The following TM9SF4 variants were observed in gnomAD, a reference collection of about 807,000 sequenced individuals.
The protein encoded by TM9SF4 is dinucleotide oxidase disulfide thiol exchanger 3 superfamily member 4.
A neutral mutation model predicts 90.4 loss-of-function variants in TM9SF4; 26 were observed. That is an observed-to-expected ratio of 0.29 (90% CI 0.21 to 0.40). TM9SF4 has a LOEUF of 0.40. TM9SF4 is among the 10% of genes least tolerant of loss of function. The pLI, the probability that TM9SF4 is intolerant of heterozygous loss-of-function variation, is 1.00. For missense variants in TM9SF4, 549 were observed against 834.8 expected, an observed-to-expected ratio of 0.66 and a Z score of 4.22; for synonymous variants, 293 against 315.4, an observed-to-expected ratio of 0.93 and a Z score of 0.75.
At chr20:32,145,457 G>A (rs1350853991) in intron 8 of TM9SF4, 34 bp downstream of exon 8, 12 of 1,589,396 alleles carry the variant, frequency 7.6e-6, no homozygotes, top group Non-Finnish European at 9.5e-6. Flanking sequence ...AAAGGGGATG[G>A]GGGTTGGGGT....
Position 32,158,671 on chromosome 20 carries a change from CCT to C in TM9SF4, c.1569+161_1569+162del, listed in dbSNP as rs2046967674. Among the ~76,000 whole-genome samples, 4 of 152,138 alleles carry C rather than the reference CCT, an allele frequency of 2.6e-5. No homozygotes were observed. In the South Asian group the frequency reaches 8.3e-4, roughly 31 times the overall value. ...ACCCTGAAATTGGACAACAGCCTTC[CCT>C]CTCAGGGCAGCATTGAAAGTGAAAT... On this transcript the variant is annotated intron_variant, in intron 15 of 17. Coordinates refer to ENST00000398022, the MANE Select transcript of TM9SF4 (RefSeq NM_014742.4).
chr20:32,122,160 A>G (rs1365556343), intron 1 of TM9SF4, among the ~76,000 whole-genome samples: 1 of 91,894 alleles, frequency 1.1e-5, no homozygotes. Context: ...GGGGGGGGTG[A>G]CCCCCCCACC....
chr20:32,126,157 C>G (rs2046419449), intron 1 of TM9SF4, among the ~76,000 whole-genome samples: 2 of 151,326 alleles, frequency 1.3e-5, no homozygotes, highest in Middle Eastern at 3.4e-3. Flanking sequence ...TCCTTTTCTA[C>G]TTAAAATTCC....
At chr20:32,141,981 G>A (rs1221045617) in intron 5 of TM9SF4, 86 bp downstream of exon 5, 16 of 1,578,082 alleles carry the variant, frequency 1.0e-5, no homozygotes, top group East Asian at 9.0e-5. Context: ...GGTGGGGCTC[G>A]GCCACAGCAA....
intron 12 of TM9SF4, among the ~76,000 whole-genome samples, chr20:32,154,846 G>A (rs1435229556): frequency 6.6e-6 from 1 of 152,192 alleles, no homozygotes; most frequent in African/African-American, 2.4e-5. Context: ...GGGGATAGGC[G>A]GATATTGATC....
intron 15 of TM9SF4, among the ~76,000 whole-genome samples, chr20:32,158,980 TAAA>T (rs5841101): frequency 3.5e-5 from 5 of 140,984 alleles, no homozygotes; most frequent in East Asian, 4.2e-4. Context: ...AGACTCCATC[TAAA>T]AAAAAAAAAA....
At position 32,117,455 on chromosome 20, in the gene TM9SF4, G is replaced by A. The variant is rs2235897; in HGVS notation, c.15+7700G>A. On this transcript the variant is annotated intron_variant, in intron 1 of 17. Coordinates refer to ENST00000398022, the MANE Select transcript of TM9SF4 (RefSeq NM_014742.4). ...AACTTCTGGTTACAGAGAAATGCAA[G>A]TGAATGAAATAATTTTTCGTTCTCA... Among the ~76,000 whole-genome samples, 44 of 152,286 alleles carry A rather than the reference G, an allele frequency of 2.9e-4. No homozygotes were observed. In the East Asian group the frequency reaches 7.9e-3, roughly 27 times the overall value.
intron 3 of TM9SF4, among the ~76,000 whole-genome samples, chr20:32,139,224 A>G (rs1036069827): frequency 6.6e-6 from 1 of 152,176 alleles, no homozygotes; most frequent in African/African-American, 2.4e-5. Context: ...CTGTGGGCCG[A>G]TAACCCCCAA....
At chr20:32,141,216 C>CAA (rs71185383) in intron 3 of TM9SF4, among the ~76,000 whole-genome samples, 891 of 24,892 alleles carry the variant, frequency 0.036, 51 homozygotes, top group African/African-American at 0.091. Context: ...GACTCCATCT[C>CAA]AAAAAAAAAA....
chr20:32,149,853 G>C (rs1048521751), intron 10 of TM9SF4, 87 bp downstream of exon 10: 37 of 1,553,566 alleles, frequency 2.4e-5, no homozygotes, highest in Non-Finnish European at 3.2e-5. Flanking sequence ...TCCCTCCCTG[G>C]AGAAAGGGAA....
chr20:32,163,136 C>T (rs1225842847), intron 17 of TM9SF4, among the ~76,000 whole-genome samples: 1 of 150,780 alleles, frequency 6.6e-6, no homozygotes, highest in Non-Finnish European at 1.5e-5. Flanking sequence ...GTCCCAGCTA[C>T]TCAGGAGGCT....
chr20:32,141,543 T>C lies in TM9SF4; in HGVS notation c.276T>C (p.Val92=). Residue 92 remains valine (V), a synonymous_variant, in exon 4 of 18, where the codon GTT becomes GTC. Transcript: ENST00000398022. ...GDRIVNTPFQ[V]LMNSEKKCEV... The stretch of plus-strand genomic sequence containing the variant: ...GGATTGTCAACACCCCTTTCCAGGT[T>C]CTCATGAACAGCGAGAAGAAGTGTG... The C allele has an allele frequency of 6.2e-7, 1 of 1,613,962 alleles. No homozygotes were observed.
At chr20:32,122,247 GCGGGGGGC>G in intron 1 of TM9SF4, among the ~76,000 whole-genome samples, 3 of 81,420 alleles carry the variant, frequency 3.7e-5, no homozygotes, top group African/African-American at 8.0e-5. Context: ...GGCTGGCCTG[GCGGGGGGC>G]TGACCCCCCA....
intron 16 of TM9SF4, among the ~76,000 whole-genome samples, chr20:32,160,564 C>T (rs1051029572): frequency 1.3e-5 from 2 of 152,116 alleles, no homozygotes; most frequent in Admixed American, 6.5e-5. Context: ...TCATGCCATC[C>T]GTTCCTCCTC....
chr20:32,150,778 G>C (rs1456951985), intron 11 of TM9SF4, 22 bp from the exon 12 acceptor site: 4 of 1,614,120 alleles, frequency 2.5e-6, no homozygotes, highest in Non-Finnish European at 3.4e-6. Flanking sequence ...CCTTGGTGTG[G>C]ATCCCTGCCA....
intron 1 of TM9SF4, among the ~76,000 whole-genome samples, chr20:32,113,143 T>C (rs939009360): frequency 3.9e-5 from 6 of 152,170 alleles, no homozygotes; most frequent in African/African-American, 1.4e-4. Flanking sequence ...GTGGATCCAG[T>C]GGCCGTGGGA....
chr20:32,123,506 A>T (rs956501013), intron 1 of TM9SF4, among the ~76,000 whole-genome samples: 8 of 148,916 alleles, frequency 5.4e-5, no homozygotes, highest in Admixed American at 1.3e-4. Flanking sequence ...GCCCATTCGT[A>T]TTTCTTTTGG....
intron 5 of TM9SF4, among the ~76,000 whole-genome samples, chr20:32,142,435 G>A (rs6061184): frequency 0.69 from 104,798 of 152,160 alleles, 37,846 homozygotes; most frequent in East Asian, 0.99. Flanking sequence ...AATTACAAAA[G>A]TATGTGTTTT....
At chr20:32,120,548 G>T (rs1029668944) in intron 1 of TM9SF4, among the ~76,000 whole-genome samples, 2 of 151,922 alleles carry the variant, frequency 1.3e-5, no homozygotes, top group Non-Finnish European at 2.9e-5. Context: ...GGATTTTCTA[G>T]ATACACAATC....
Sources: gnomAD v4.1 joint callset for allele counts (sites outside exome capture counted in the v4.1 genomes callset) on GRCh38, gnomAD v4.1.1 for gene constraint, MANE v1.5 for transcripts, NCBI Gene and HGNC (gene_info 2026-07-23, HGNC 2026-07-21) for gene names.